Variants in STK3 observed in about 807,000 individuals in gnomAD.
STK3 encodes serine/threonine kinase 3, also known as serine/threonine-protein kinase 3.
In STK3, 41 loss-of-function variants were observed where a neutral mutation model predicts 58.0. That is an observed-to-expected ratio of 0.71 (90% confidence interval 0.55 to 0.92). STK3 has a LOEUF of 0.92. Ranked by LOEUF, STK3 falls within the 40% of genes least tolerant of loss-of-function variation. STK3 has a pLI of 0.00. For missense variants in STK3, 479 were observed against 602.7 expected, an observed-to-expected ratio of 0.79 and a Z score of 2.15; for synonymous variants, 170 against 191.0, an observed-to-expected ratio of 0.89 and a Z score of 0.91.
intron 9 of STK3, among the ~76,000 whole-genome samples, chr8:98,535,209 T>C (rs934730971): frequency 6.6e-6 from 1 of 152,178 alleles, no homozygotes; most frequent in African/African-American, 2.4e-5. Flanking sequence ...AAACCACCAT[T>C]ATCAACTGCA....
intron 10 of STK3, among the ~76,000 whole-genome samples, chr8:98,477,224 A>G (rs1050490267): frequency 6.6e-6 from 1 of 152,156 alleles, no homozygotes; most frequent in Non-Finnish European, 1.5e-5. Context: ...AATTCAGTAT[A>G]TAAGTTTTCA....
chr8:98,653,208 TG>T (rs1161808761), intron 6 of STK3, among the ~76,000 whole-genome samples: 1 of 152,128 alleles, frequency 6.6e-6, no homozygotes, highest in Non-Finnish European at 1.5e-5. Flanking sequence ...ACATGGAAAC[TG>T]AACAACCTGC....
chr8:98,647,957 C>T (rs1350236733), intron 6 of STK3, among the ~76,000 whole-genome samples: 1 of 152,182 alleles, frequency 6.6e-6, no homozygotes, highest in Non-Finnish European at 1.5e-5. Context: ...TGCCTCAATG[C>T]CTTTTATTAA....
At chr8:98,600,415 T>C (rs991795641) in intron 6 of STK3, among the ~76,000 whole-genome samples, 5 of 152,218 alleles carry the variant, frequency 3.3e-5, no homozygotes, top group Admixed American at 6.5e-5. Context: ...CTTAGAATAG[T>C]GCCTGGCACA....
chr8:98,504,824 T>G (rs1282007959), intron 10 of STK3, among the ~76,000 whole-genome samples: 1 of 152,192 alleles, frequency 6.6e-6, no homozygotes, highest in Non-Finnish European at 1.5e-5. Flanking sequence ...CCCTGAATAT[T>G]TTTTCCTTCA....
At chr8:98,529,080 C>G (rs1249761974) in intron 9 of STK3, among the ~76,000 whole-genome samples, 1 of 152,112 alleles carries the variant, frequency 6.6e-6, no homozygotes, top group Non-Finnish European at 1.5e-5. Context: ...TGTAATAGTC[C>G]TAGCACAGTT....
intron 6 of STK3, among the ~76,000 whole-genome samples, chr8:98,702,048 C>T (rs1825664478): frequency 1.3e-5 from 2 of 152,132 alleles, no homozygotes; most frequent in South Asian, 4.1e-4. Context: ...AACAGATAAT[C>T]ATTACTGTCT....
chr8:98,393,973 A>G (rs929927144), intron 3 of STK3, among the ~76,000 whole-genome samples: 1 of 152,220 alleles, frequency 6.6e-6, no homozygotes, highest in Non-Finnish European at 1.5e-5. Flanking sequence ...AAGCACTAAG[A>G]GAGCTATTTG....
chr8:98,610,795 C>T (rs1017686954), intron 6 of STK3, among the ~76,000 whole-genome samples: 1 of 152,220 alleles, frequency 6.6e-6, no homozygotes, highest in South Asian at 2.1e-4. Flanking sequence ...CTCCAGTTAC[C>T]GGGCCTAGTG....
At position 98,825,508 on chromosome 8, in the gene STK3, T is replaced by TC; in HGVS notation, c.26+6dup. The TC allele has an allele frequency of 6.9e-7, 1 of 1,454,610 alleles. No homozygotes were observed. Among genetic ancestry groups the TC allele is most frequent in the Non-Finnish European group, 9.1e-7 (1 of 1,097,846 alleles). 90.1% of individuals were successfully genotyped at this position (1,454,610 alleles called of 1,614,324 possible). ...TCCCTCCTTCTTCCCGCTCCCCGAT[T>TC]CGTTACCTCTTAGGCGCCGGCGGCT... On this transcript the variant is annotated splice_region_variant and intron_variant, in intron 1 of 10. Coordinates refer to ENST00000419617, the MANE Select transcript of STK3 (RefSeq NM_006281.4).
intron 1 of STK3, among the ~76,000 whole-genome samples, chr8:98,918,968 G>A (rs1303911224): frequency 1.3e-5 from 2 of 151,718 alleles, no homozygotes; most frequent in Admixed American, 6.6e-5. Context: ...CCAAGCAGAA[G>A]AAAGGGTTAG....
intron 8 of STK3, among the ~76,000 whole-genome samples, chr8:98,552,571 C>T (rs1248603869): frequency 6.6e-6 from 1 of 152,130 alleles, no homozygotes; most frequent in African/African-American, 2.4e-5. Context: ...GAATGCTCAT[C>T]CATAAATCAG....
intron 6 of STK3, chr8:98,597,348 A>C (rs1815917636): frequency 1.0e-6 from 1 of 985,238 alleles, no homozygotes; most frequent in Middle Eastern, 5.2e-4. Context: ...TTACCAGTAT[A>C]TGCATCTTCT....
chr8:98,925,909 C>T (rs1839770043), intron 1 of STK3, among the ~76,000 whole-genome samples: 1 of 152,186 alleles, frequency 6.6e-6, no homozygotes, highest in African/African-American at 2.4e-5. Context: ...ACATAAATCA[C>T]AGGCTAAACT....
chr8:98,809,165 T>C (rs1834067814), intron 1 of STK3, among the ~76,000 whole-genome samples: 1 of 152,226 alleles, frequency 6.6e-6, no homozygotes. Flanking sequence ...ATATCCTTTA[T>C]AATAAACTGG....
intron 3 of STK3, among the ~76,000 whole-genome samples, chr8:98,845,146 T>A (rs868005981): frequency 3.9e-5 from 6 of 152,174 alleles, no homozygotes; most frequent in Middle Eastern, 3.2e-3. Context: ...TTACTTAGAG[T>A]TCATTTCTGT....
intron 3 of STK3, among the ~76,000 whole-genome samples, chr8:98,876,601 G>A (rs1167511621): frequency 6.6e-6 from 1 of 152,166 alleles, no homozygotes; most frequent in Non-Finnish European, 1.5e-5. Flanking sequence ...TCACTACACT[G>A]CGGCTCCACA....
chr8:98,448,873 T>C (rs766137484), intron 1 of STK3, among the ~76,000 whole-genome samples: 4 of 152,166 alleles, frequency 2.6e-5, no homozygotes, highest in Admixed American at 6.5e-5. Flanking sequence ...TTCCTTCATA[T>C]CCTTCTCTTT....
chr8:98,646,731 T>C (rs1820421049), intron 6 of STK3, among the ~76,000 whole-genome samples: 1 of 152,194 alleles, frequency 6.6e-6, no homozygotes, highest in Non-Finnish European at 1.5e-5. Flanking sequence ...AACTTCACTC[T>C]TCTTTCTTCT....
Sources: gnomAD v4.1 joint callset for allele counts (sites outside exome capture counted in the v4.1 genomes callset) on GRCh38, gnomAD v4.1.1 for gene constraint, MANE v1.5 for transcripts, NCBI Gene and HGNC (gene_info 2026-07-23, HGNC 2026-07-21) for gene names.